Variants in MSI2 observed in about 807,000 individuals in gnomAD.
MSI2 encodes musashi RNA binding protein 2, also known as RNA-binding protein Musashi homolog 2.
A neutral mutation model predicts 45.6 loss-of-function variants in MSI2; 17 were observed. The ratio of observed to expected loss-of-function variants is 0.37; its 90% CI spans 0.26 to 0.56. The LOEUF is 0.56. Among genes scored for constraint, MSI2 ranks in the 20% least tolerant of loss-of-function variants. The pLI is 0.77. For missense variants in MSI2, 293 were observed against 444.2 expected, an observed-to-expected ratio of 0.66 and a Z score of 3.06; for synonymous variants, 156 against 158.2, an observed-to-expected ratio of 0.99 and a Z score of 0.11.
intron 7 of MSI2, among the ~76,000 whole-genome samples, chr17:57,583,272 C>T (rs926657711): frequency 3.9e-5 from 6 of 152,200 alleles, no homozygotes; most frequent in African/African-American, 1.4e-4. Flanking sequence ...AAGGTACCAG[C>T]TGTGCTCAGG....
At chr17:57,345,215 C>T (rs1250753323) in intron 5 of MSI2, among the ~76,000 whole-genome samples, 1 of 152,220 alleles carries the variant, frequency 6.6e-6, no homozygotes, top group Non-Finnish European at 1.5e-5. Flanking sequence ...CTCCCTCCCA[C>T]CTGCACTGTG....
chr17:57,288,917 A>G (rs1459481388), intron 5 of MSI2, among the ~76,000 whole-genome samples: 7 of 152,190 alleles, frequency 4.6e-5, no homozygotes, highest in Non-Finnish European at 1.0e-4. Context: ...ACTAGATGCC[A>G]GTAGCAATCC....
chr17:57,502,010 G>A (rs1187357106), intron 6 of MSI2, among the ~76,000 whole-genome samples: 3 of 152,140 alleles, frequency 2.0e-5, no homozygotes, highest in Non-Finnish European at 4.4e-5. Flanking sequence ...AGGGTCCTGG[G>A]TTTCAAGAGC....
At chr17:57,264,860 AACC>A (rs1373186063) in intron 5 of MSI2, 2 of 152,182 alleles carry the variant, frequency 1.3e-5, no homozygotes, top group Non-Finnish European at 2.9e-5. Context: ...GTGCTGAGGG[AACC>A]ATAGCCAGAG....
rs554839554 is a variant in MSI2 at position 57,495,405 on chromosome 17, C to T, written c.406-34271C>T. Reference sequence around the variant, plus strand: ...AAAATCAGCCGGGCATGGTGGTGCACGCCTGTAATCCCAGCTACTCAGGAG... The same window carrying T: ...AAAATCAGCCGGGCATGGTGGTGCATGCCTGTAATCCCAGCTACTCAGGAG... On this transcript the variant is annotated intron_variant, in intron 6 of 13. Transcript: ENST00000284073. 7.9e-5 allele frequency among the ~76,000 whole-genome samples: 12 copies of T among 151,826 alleles called. No homozygotes were observed. The South Asian group carries it at 8.3e-4, about 11-fold the overall frequency.
At chr17:57,453,451 G>T (rs1393820462) in intron 6 of MSI2, among the ~76,000 whole-genome samples, 2 of 152,128 alleles carry the variant, frequency 1.3e-5, no homozygotes, top group Non-Finnish European at 2.9e-5. Flanking sequence ...TGATGATTTG[G>T]GGTTGAGCCA....
At chr17:57,565,135 C>G (rs944019241) in intron 7 of MSI2, among the ~76,000 whole-genome samples, 3 of 152,192 alleles carry the variant, frequency 2.0e-5, no homozygotes, top group Non-Finnish European at 2.9e-5. Flanking sequence ...ACTTGAGAGC[C>G]AGGGTGCCTG....
At chr17:57,458,767 C>T (rs2085166337) in intron 6 of MSI2, among the ~76,000 whole-genome samples, 1 of 152,192 alleles carries the variant, frequency 6.6e-6, no homozygotes. Context: ...TGTCTTGAAC[C>T]AGGCTTTGTT....
intron 7 of MSI2, among the ~76,000 whole-genome samples, chr17:57,573,180 T>C (rs114983203): frequency 6.6e-6 from 1 of 152,356 alleles, no homozygotes; most frequent in African/African-American, 2.4e-5. Context: ...TTACTAGTTA[T>C]TGTAAAGATA....
At chr17:57,369,814 A>G (rs1243771499) in intron 5 of MSI2, among the ~76,000 whole-genome samples, 8 of 152,242 alleles carry the variant, frequency 5.3e-5, no homozygotes, top group African/African-American at 2.4e-5. Flanking sequence ...CCAAGGTCAC[A>G]CAGAATCCTG....
intron 11 of MSI2, among the ~76,000 whole-genome samples, chr17:57,655,886 C>CT (rs1446438115): frequency 6.6e-6 from 1 of 152,124 alleles, no homozygotes; most frequent in African/African-American, 2.4e-5. Context: ...TTTTTGTACA[C>CT]TTTCGTTTTT....
At chr17:57,373,824 G>A (rs986593946) in intron 5 of MSI2, among the ~76,000 whole-genome samples, 2 of 152,210 alleles carry the variant, frequency 1.3e-5, no homozygotes, top group African/African-American at 2.4e-5. Flanking sequence ...TATTGCTGCA[G>A]AATAACCTAA....
At chr17:57,689,179 CTTT>C (rs555266949), downstream of MSI2, among the ~76,000 whole-genome samples, 1 of 122,828 alleles carries the variant, frequency 8.1e-6, no homozygotes, top group South Asian at 2.2e-4. Flanking sequence ...TGGGTTTTCT[CTTT>C]TTTTTTAATT....
At chr17:57,587,021 T>G (rs2088366700) in intron 7 of MSI2, among the ~76,000 whole-genome samples, 1 of 152,126 alleles carries the variant, frequency 6.6e-6, no homozygotes, top group Admixed American at 6.5e-5. Context: ...ACCAGAGACC[T>G]GGGTAAAAAC....
chr17:57,676,562 G>A (rs4793892), intron 12 of MSI2, among the ~76,000 whole-genome samples: 131,732 of 152,236 alleles, frequency 0.87, 57,112 homozygotes, highest in East Asian at 0.98. Context: ...TGACCTGTGG[G>A]CTGTGATGTT....
chr17:57,575,151 T>TCCCCCCCCCACCCCC (rs898555784), intron 7 of MSI2, among the ~76,000 whole-genome samples: 2 of 114,378 alleles, frequency 1.7e-5, no homozygotes, highest in Admixed American at 8.9e-5. Context: ...TTTAACTCCC[T>TCCCCCCCCCACCCCC]CCCCCCGCCA....
At chr17:57,632,144 G>C in intron 10 of MSI2, 1 of 1,205,778 alleles carries the variant, frequency 8.3e-7, no homozygotes, top group South Asian at 2.9e-5. Context: ...GCCTCCTCAG[G>C]GGAAGCTAGG....
intron 6 of MSI2, among the ~76,000 whole-genome samples, chr17:57,409,627 G>A (rs905146178): frequency 6.6e-6 from 1 of 152,104 alleles, no homozygotes; most frequent in African/African-American, 2.4e-5. Context: ...GACCATTGAT[G>A]TTTCCAGGAA....
At chr17:57,394,721 C>T (rs1269175343) in intron 5 of MSI2, among the ~76,000 whole-genome samples, 1 of 152,206 alleles carries the variant, frequency 6.6e-6, no homozygotes, top group Non-Finnish European at 1.5e-5. Flanking sequence ...GAGATGTCCT[C>T]CCTGTGGCCT....
Sources: allele counts gnomAD v4.1 joint callset (sites outside exome capture counted in the v4.1 genomes callset), GRCh38; gene constraint gnomAD v4.1.1; transcripts MANE v1.5; gene names NCBI Gene and HGNC (gene_info 2026-07-23, HGNC 2026-07-21).